The following ERC2 variants were observed in gnomAD, a reference collection of about 807,000 sequenced individuals.
The protein encoded by ERC2 is ERC protein 2.
A neutral mutation model predicts 114.8 loss-of-function variants in ERC2; 42 were observed. The observed-to-expected ratio is 0.37, with a 90% CI of 0.29 to 0.47. The LOEUF is 0.47. Ranked by LOEUF, ERC2 falls within the 20% of genes least tolerant of loss-of-function variation. ERC2 has a pLI of 0.99. For missense variants in ERC2, 939 were observed against 1,150.7 expected, an observed-to-expected ratio of 0.82 and a Z score of 2.66; for synonymous variants, 454 against 425.5, an observed-to-expected ratio of 1.07 and a Z score of -0.82.
At chr3:55,581,033 G>C (rs73079421) in intron 17 of ERC2, among the ~76,000 whole-genome samples, 3 of 152,284 alleles carry the variant, frequency 2.0e-5, no homozygotes, top group Non-Finnish European at 4.4e-5. Context: ...AGAAAAGCCA[G>C]TGCAGAGGCC....
intron 17 of ERC2, among the ~76,000 whole-genome samples, chr3:55,650,041 A>G (rs944483474): frequency 6.6e-6 from 1 of 152,088 alleles, no homozygotes; most frequent in African/African-American, 2.4e-5. Flanking sequence ...TGTGCCTCCA[A>G]CCCTCCAAGC....
At chr3:56,278,952 A>T (rs1164362306) in intron 3 of ERC2, among the ~76,000 whole-genome samples, 1 of 152,164 alleles carries the variant, frequency 6.6e-6, no homozygotes, top group Non-Finnish European at 1.5e-5. Context: ...ACATTTCAAC[A>T]TGAGTTTTTG....
intron 2 of ERC2, among the ~76,000 whole-genome samples, chr3:56,433,026 T>C (rs2061858693): frequency 6.6e-6 from 1 of 151,946 alleles, no homozygotes; most frequent in African/African-American, 2.4e-5. Context: ...AAAATAATTT[T>C]AATCGGCAGG....
At chr3:56,444,717 T>C (rs2062480971) in intron 1 of ERC2, among the ~76,000 whole-genome samples, 1 of 152,220 alleles carries the variant, frequency 6.6e-6, no homozygotes, top group Non-Finnish European at 1.5e-5. Flanking sequence ...CTTCCTGCTA[T>C]CTGCTCTAAA....
intron 16 of ERC2, among the ~76,000 whole-genome samples, chr3:55,691,989 A>G (rs1411475354): frequency 1.3e-5 from 2 of 152,194 alleles, no homozygotes; most frequent in African/African-American, 2.4e-5. Flanking sequence ...TGCTATGTAT[A>G]CATTTATCCC....
chr3:56,076,345 T>C (rs1429782228), intron 7 of ERC2, among the ~76,000 whole-genome samples: 1 of 152,192 alleles, frequency 6.6e-6, no homozygotes, highest in Non-Finnish European at 1.5e-5. Flanking sequence ...CATAACAGTC[T>C]GAATTTGATC....
At chr3:55,824,152 AAGAC>A (rs1448352499) in intron 14 of ERC2, among the ~76,000 whole-genome samples, 2 of 152,196 alleles carry the variant, frequency 1.3e-5, no homozygotes, top group African/African-American at 4.8e-5. Context: ...TTTCTCTTTA[AAGAC>A]CTAACCTCTA....
chr3:55,666,961 T>C lies in ERC2; in HGVS notation c.*39+16833A>G, dbSNP rs180889463. ...ATAATATTAGTTATTATGTAACGAA[T>C]AATAGCACATACCAATATCTTATAT... On this transcript the variant is annotated intron_variant, in intron 17 of 17. Transcript: ENST00000288221. 3.3e-3 allele frequency among the ~76,000 whole-genome samples: 503 copies of C among 152,316 alleles called. 2 individuals carry two copies. Among genetic ancestry groups the C allele is most frequent in the African/African-American group, 0.012 (487 of 41,554 alleles).
In ERC2 at chr3:55,663,762, C is replaced by G. The variant is rs958292080; in HGVS notation, c.*39+20032G>C. Reference sequence around the variant, plus strand: ...AGTTCTAAATTTACTTTGGATTTACCAATATTAACTAAGTGGCTAAGTAAA... The same window carrying G: ...AGTTCTAAATTTACTTTGGATTTACGAATATTAACTAAGTGGCTAAGTAAA... On this transcript the variant is annotated intron_variant, in intron 17 of 17. Transcript: ENST00000288221. Among the ~76,000 whole-genome samples the G allele has an allele frequency of 2.6e-5, 4 of 152,120 alleles. No homozygotes were observed. In the South Asian group the frequency reaches 8.3e-4, roughly 32 times the overall value.
chr3:56,099,992 A>G (rs950748133), intron 6 of ERC2, among the ~76,000 whole-genome samples: 1 of 151,402 alleles, frequency 6.6e-6, no homozygotes, highest in Non-Finnish European at 1.5e-5. Flanking sequence ...TATTGGGGAG[A>G]AAAAAAAAGG....
intron 2 of ERC2, among the ~76,000 whole-genome samples, chr3:56,313,001 CATATATATATATATATAT>C (rs3055903): frequency 0.022 from 956 of 43,894 alleles, 59 homozygotes; most frequent in East Asian, 0.19. Context: ...TATGTATATT[CATATATATATATATATAT>C]ATATATATAT....
chr3:56,200,312 T>G (rs1241471651), intron 3 of ERC2, among the ~76,000 whole-genome samples: 1 of 151,416 alleles, frequency 6.6e-6, no homozygotes, highest in Non-Finnish European at 1.5e-5. Context: ...CTCTTCACTT[T>G]TTTCCCACAC....
chr3:55,695,348 T>C (rs1421081231), intron 16 of ERC2, among the ~76,000 whole-genome samples: 1 of 152,200 alleles, frequency 6.6e-6, no homozygotes, highest in East Asian at 1.9e-4. Flanking sequence ...CTGGGATTTG[T>C]CTAGATATTC....
At chr3:55,662,960 A>C (rs1323404507) in intron 17 of ERC2, among the ~76,000 whole-genome samples, 3 of 152,198 alleles carry the variant, frequency 2.0e-5, no homozygotes, top group Admixed American at 6.5e-5. Context: ...GTGACCTTCC[A>C]CAGACCTCGC....
intron 14 of ERC2, among the ~76,000 whole-genome samples, chr3:55,779,882 A>C (rs1025639890): frequency 2.1e-5 from 3 of 146,210 alleles, no homozygotes; most frequent in Non-Finnish European, 4.5e-5. Flanking sequence ...TAACTGGAGA[A>C]AGTCTTAGTC....
At chr3:55,927,569 CA>C (rs2065819590) in intron 13 of ERC2, among the ~76,000 whole-genome samples, 1 of 152,184 alleles carries the variant, frequency 6.6e-6, no homozygotes. Context: ...TCTATCACCT[CA>C]AGCATTTATC....
At chr3:56,067,949 T>C (rs1472380164) in intron 7 of ERC2, among the ~76,000 whole-genome samples, 1 of 152,202 alleles carries the variant, frequency 6.6e-6, no homozygotes, top group Non-Finnish European at 1.5e-5. Context: ...TGCCAGTATA[T>C]TATTATGGAT....
chr3:56,215,126 A>C (rs1437118576), intron 3 of ERC2, among the ~76,000 whole-genome samples: 3 of 152,242 alleles, frequency 2.0e-5, no homozygotes, highest in Non-Finnish European at 2.9e-5. Flanking sequence ...TGACAGGATC[A>C]AATTCACACA....
At chr3:55,752,327 C>T (rs891166156) in intron 14 of ERC2, among the ~76,000 whole-genome samples, 3 of 152,254 alleles carry the variant, frequency 2.0e-5, no homozygotes, top group South Asian at 2.1e-4. Flanking sequence ...TGCTAGCTAG[C>T]GAGAGTCAAT....
Sources: gnomAD v4.1 joint callset for allele counts (sites outside exome capture counted in the v4.1 genomes callset) on GRCh38, gnomAD v4.1.1 for gene constraint, MANE v1.5 for transcripts, NCBI Gene and HGNC (gene_info 2026-07-23, HGNC 2026-07-21) for gene names.